Variants in PZP observed in about 807,000 individuals in gnomAD.
PZP encodes PZP alpha-2-macroglobulin like, also known as pregnancy zone protein.
PZP carries 150 observed loss-of-function variants against 179.8 expected under a neutral mutation model. The observed-to-expected ratio is 0.83, with a 90% CI of 0.73 to 0.96. PZP has a LOEUF of 0.96. PZP is among the 40% of genes least tolerant of loss of function. The pLI is 0.00. For missense variants in PZP, 1,689 were observed against 1,764.0 expected (o/e 0.96, Z 0.76); for synonymous variants, 624 against 652.3 (o/e 0.96, Z 0.66).
At chr12:9,159,450 T>C (rs1941008705) in intron 25 of PZP, among the ~76,000 whole-genome samples, 1 of 152,036 alleles carries the variant, frequency 6.6e-6, no homozygotes, top group Admixed American at 6.5e-5. Context: ...AAAACTCATG[T>C]TAAAACTTAA....
intron 17 of PZP, chr12:9,168,640 G>C (rs1941758116): frequency 2.3e-6 from 1 of 433,452 alleles, no homozygotes; most frequent in Non-Finnish European, 4.1e-6. Context: ...TCAGAATCTT[G>C]TATTTTATCT....
chr12:9,149,186 A>G (rs1470456459), intron 35 of PZP, among the ~76,000 whole-genome samples, 192 bp from the exon 36 acceptor site: 1 of 152,204 alleles, frequency 6.6e-6, no homozygotes, highest in Non-Finnish European at 1.5e-5. Context: ...AGCCAATGTT[A>G]ATAATAAGTG....
chr12:9,202,366 A>G lies in PZP; in HGVS notation c.433T>C (p.Phe145Leu). 1.2e-6 allele frequency: 2 copies of G among 1,614,154 alleles called. No homozygotes were observed. The highest frequency in any genetic ancestry group is 8.5e-7 in the Non-Finnish European group (1 of 1,180,018). ...TTTTCATCCACGGAGACAACACGGAATCTTACTGGAAAAGTAGTTCTCCGA... is the reference window on the plus strand; with the variant it reads ...TTTTCATCCACGGAGACAACACGGAGTCTTACTGGAAAAGTAGTTCTCCGA... ...PMYKPGQTVRFRVVSVDENFR... is the reference protein window; with the variant it reads ...PMYKPGQTVRLRVVSVDENFR... The change falls in exon 4 of 36, where the codon TTC (phenylalanine) becomes CTC (leucine). Residue 145 changes from phenylalanine (F) to leucine (L), a missense_variant. This residue lies in a region of PZP where 742 missense variants were observed against 730.5 expected (regional missense o/e 1.02). Coordinates refer to ENST00000261336, the MANE Select transcript of PZP (RefSeq NM_002864.3).
At chr12:9,193,120 A>G (rs1943550927) in intron 11 of PZP, among the ~76,000 whole-genome samples, 1 of 152,352 alleles carries the variant, frequency 6.6e-6, no homozygotes, top group Non-Finnish European at 1.5e-5. Flanking sequence ...AAAACATTCT[A>G]TTACCTTATG....
chr12:9,162,697 CAA>C, intron 21 of PZP, 49 bp from the exon 22 acceptor site: 1 of 1,388,098 alleles, frequency 7.2e-7, no homozygotes, highest in Non-Finnish European at 1.0e-6. Context: ...ATCCTGGTGA[CAA>C]GAGAACCACA....
At chr12:9,145,770 G>A (rs1448502813), downstream of PZP, among the ~76,000 whole-genome samples, 1 of 152,152 alleles carries the variant, frequency 6.6e-6, no homozygotes, top group Non-Finnish European at 1.5e-5. Context: ...GTCTGAGAAA[G>A]TCTTTATTAC....
intron 15 of PZP, among the ~76,000 whole-genome samples, chr12:9,179,651 G>C (rs914171218): frequency 2.0e-5 from 3 of 152,174 alleles, no homozygotes; most frequent in Admixed American, 6.5e-5. Context: ...CCTTATGTTT[G>C]CAGGTATTAA....
chr12:9,139,360 G>T, the PZP span, among the ~76,000 whole-genome samples: 8 of 152,052 alleles, frequency 5.3e-5, no homozygotes, highest in African/African-American at 9.7e-5. Context: ...CTTATCCTGG[G>T]GAAGGATCTG....
chr12:9,143,509 G>A, the PZP span, among the ~76,000 whole-genome samples: 3 of 152,218 alleles, frequency 2.0e-5, no homozygotes, highest in Non-Finnish European at 4.4e-5. Flanking sequence ...TTCAGAGGAA[G>A]GAGAAACCTG....
intron 34 of PZP, among the ~76,000 whole-genome samples, chr12:9,150,058 C>T (rs1042649124): frequency 6.6e-6 from 1 of 152,198 alleles, no homozygotes; most frequent in African/African-American, 2.4e-5. Flanking sequence ...CACCAGCCTT[C>T]TGTGCTGTTT....
chr12:9,202,263 C>A, intron 4 of PZP, 56 bp downstream of exon 4: 1 of 1,437,116 alleles, frequency 7.0e-7, no homozygotes, highest in Non-Finnish European at 9.8e-7. Context: ...CTACCTCACT[C>A]TGGGTGAGTA....
At position 9,200,404 on chromosome 12, in the gene PZP, T is replaced by C; in HGVS notation, c.715A>G (p.Ser239Gly). ...ATGTTCACTTTTTCATCCATGATAC[T>C]GATTATCTTTGGCACCTGAACTTTG... is the stretch of plus-strand genomic sequence containing the variant. ...EVKVQVPKII[S>G]IMDEKVNITV... Residue 239 changes from serine to glycine, a missense_variant, in exon 7 of 36, where the codon AGT becomes GGT. Coordinates refer to ENST00000261336, the MANE Select transcript of PZP (RefSeq NM_002864.3). 6.2e-7 allele frequency: 1 copy of C among 1,611,506 alleles called. No homozygotes were observed. Among genetic ancestry groups the C allele is most frequent in the Non-Finnish European group, 8.5e-7 (1 of 1,177,760 alleles).
downstream of PZP, among the ~76,000 whole-genome samples, chr12:9,144,230 G>T (rs1939888441): frequency 6.6e-6 from 1 of 152,146 alleles, no homozygotes; most frequent in Non-Finnish European, 1.5e-5. Context: ...GAGGGAGGAG[G>T]AGGGGACAAG....
rs749344257 is a variant in PZP at position 9,152,963 on chromosome 12, C to G, written c.3994-12G>C. 2 of 1,614,102 alleles carry G rather than the reference C, an allele frequency of 1.2e-6. No homozygotes were observed. The highest frequency in any genetic ancestry group is 2.7e-5 in the African/African-American group (2 of 75,044). On this transcript the variant is annotated splice_polypyrimidine_tract_variant and intron_variant, in intron 30 of 35. Coordinates refer to ENST00000261336, the MANE Select transcript of PZP (RefSeq NM_002864.3). ...TATTTCATGGATGTCTGTGAAACAG[C>G]AAAGACACTATCAGTTTCTCTCTTT...
rs758785099 is a variant in PZP at position 9,160,324 on chromosome 12, A to T, written c.3039T>A (p.Tyr1013Ter). The change falls in exon 24 of 36, where the codon TAT (tyrosine) becomes TAA (stop). Residue 1013 changes from tyrosine (Y) to a stop codon, truncating the protein, a stop_gained. Coordinates refer to ENST00000261336, the MANE Select transcript of PZP (RefSeq NM_002864.3). LOFTEE classifies it high-confidence loss of function. ...TQEIKAKAVG[Y>*]LITGYQRQLN... ...CTCTGTCTCACTTACCAGTGATGAG[A>T]TAGCCAACGGCCTTGGCCTTGATCT... is the stretch of plus-strand genomic sequence containing the variant. 3.7e-6 allele frequency: 6 copies of T among 1,610,312 alleles called. No homozygotes were observed. The African/African-American group carries it at 8.0e-5, about 22-fold the overall frequency.
Position 9,196,834 on chromosome 12 carries a change from T to G in PZP, c.868-149A>C. ...GAGAACTTAATACTCATATCTGCTT[T>G]GTAACCTCCAAAGTTAGTCGTCCAA... On this transcript the variant is annotated intron_variant, in intron 8 of 35. Coordinates refer to ENST00000261336, the MANE Select transcript of PZP (RefSeq NM_002864.3). 5 of 797,362 alleles carry G rather than the reference T, an allele frequency of 6.3e-6. No individual in the cohort carries two copies. In the South Asian group the frequency reaches 8.5e-5, roughly 14 times the overall value. 49.4% of individuals were successfully genotyped at this position (797,362 alleles called of 1,614,324 possible).
chr12:9,163,836 A>G (rs1941393039), intron 20 of PZP, 47 bp from the exon 21 acceptor site: 1 of 1,588,470 alleles, frequency 6.3e-7, no homozygotes, highest in Non-Finnish European at 8.6e-7. Flanking sequence ...TTGATAGTCC[A>G]ATCACCTTTA....
chr12:9,159,835 T>A (rs1941039726), intron 25 of PZP, 103 bp downstream of exon 25: 1 of 1,009,524 alleles, frequency 9.9e-7, no homozygotes, highest in Admixed American at 2.2e-5. Context: ...ATTACCTAGT[T>A]TCAGGTATTC....
At chr12:9,166,603 C>T (rs777902112) in intron 17 of PZP, among the ~76,000 whole-genome samples, 2 of 152,202 alleles carry the variant, frequency 1.3e-5, no homozygotes, top group African/African-American at 4.8e-5. Context: ...AATGAAATTA[C>T]CAGTGGAGTG....
Sources: gnomAD v4.1 joint callset for allele counts (sites outside exome capture counted in the v4.1 genomes callset) on GRCh38, gnomAD v4.1.1 for gene constraint, gnomAD v4.1.1 regional missense constraint, MANE v1.5 for transcripts, NCBI Gene and HGNC (gene_info 2026-07-23, HGNC 2026-07-21) for gene names.